OPCML: variants seen among roughly 807,000 people sequenced by gnomAD.
The protein encoded by OPCML is opioid-binding protein/cell adhesion molecule.
A neutral mutation model predicts 37.8 loss-of-function variants in OPCML; 13 were observed. The ratio of observed to expected loss-of-function variants is 0.34; its 90% CI spans 0.22 to 0.55. The LOEUF (loss-of-function observed/expected upper bound fraction) is 0.55. Among genes scored for constraint, OPCML ranks in the 20% least tolerant of loss-of-function variants. The pLI is 0.91. For synonymous variants in OPCML, 176 were observed against 168.8 expected (o/e 1.04, Z -0.33); for missense variants, 341 against 435.6 (o/e 0.78, Z 1.93).
At chr11:132,970,651 T>A (rs890923615) in intron 1 of OPCML, among the ~76,000 whole-genome samples, 1 of 152,184 alleles carries the variant, frequency 6.6e-6, no homozygotes, top group Admixed American at 6.5e-5. Context: ...AAATGTCACA[T>A]AAACCCTCAT....
intron 1 of OPCML, among the ~76,000 whole-genome samples, chr11:133,334,696 G>C (rs1372720874): frequency 6.6e-6 from 1 of 152,184 alleles, no homozygotes; most frequent in Non-Finnish European, 1.5e-5. Flanking sequence ...CCTCTTTTCA[G>C]ATGTTAGGGT....
chr11:133,335,150 C>G (rs766196833), intron 1 of OPCML, among the ~76,000 whole-genome samples: 1 of 152,176 alleles, frequency 6.6e-6, no homozygotes, highest in African/African-American at 2.4e-5. Flanking sequence ...CCCTTGGCAA[C>G]AAAATCACCT....
intron 1 of OPCML, among the ~76,000 whole-genome samples, chr11:133,069,899 T>A (rs1948497628): frequency 6.6e-6 from 1 of 152,168 alleles, no homozygotes; most frequent in South Asian, 2.1e-4. Context: ...TCCAAGCTGA[T>A]GCTGTGGCTC....
Position 132,943,148 on chromosome 11 carries a change from C to T in OPCML, c.62-138G>A. ...GCAGCCGCACAGTCCTGGTCCCCCG[C>T]CCCGCGCACCAGCGGGCTCGGGAAG... On this transcript the variant is annotated intron_variant, in intron 1 of 7. Coordinates refer to ENST00000524381, the MANE Select transcript of OPCML (RefSeq NM_001012393.5). The surrounding 1 kb of genome is among the most constrained non-coding windows in gnomAD (Gnocchi z 4.3). 1 of 1,603,792 alleles carries T rather than the reference C, an allele frequency of 6.2e-7. No individual in the cohort carries two copies. Among genetic ancestry groups the T allele is most frequent in the Non-Finnish European group, 8.5e-7 (1 of 1,171,936 alleles).
At chr11:132,570,777 A>ATATATATATATATATATATATATATATT (rs2096435731) in intron 3 of OPCML, among the ~76,000 whole-genome samples, 3 of 114,846 alleles carry the variant, frequency 2.6e-5, no homozygotes, top group African/African-American at 1.0e-4. Context: ...ATATATATAT[A>ATATATATATATATATATATATATATATT]TATATATATA....
chr11:132,769,742 G>A (rs535750994), intron 2 of OPCML, among the ~76,000 whole-genome samples: 1 of 152,216 alleles, frequency 6.6e-6, no homozygotes, highest in African/African-American at 2.4e-5. Context: ...GATGCTTAAA[G>A]GTCGAAGCAC....
intron 1 of OPCML, among the ~76,000 whole-genome samples, chr11:133,428,187 G>A (rs1946043171): frequency 6.6e-6 from 1 of 152,128 alleles, no homozygotes; most frequent in Non-Finnish European, 1.5e-5. Flanking sequence ...CTCAACTGAT[G>A]GAAACAAAAA....
In OPCML at chr11:133,206,365, A is replaced by G. The variant is rs1369753267; in HGVS notation, c.62-263355T>C. On this transcript the variant is annotated intron_variant, in intron 1 of 7. Coordinates refer to ENST00000524381, the MANE Select transcript of OPCML (RefSeq NM_001012393.5). The surrounding 1 kb of genome is among the most constrained non-coding windows in gnomAD (Gnocchi z 4.7). ...GTTCTGTATCTACTACCACGTAGCA[A>G]TGAAACATTTAGGAAACTGCATAAC... Among the ~76,000 whole-genome samples, 1 of 152,182 alleles carries G rather than the reference A, an allele frequency of 6.6e-6. No individual in the cohort carries two copies. Among genetic ancestry groups the G allele is most frequent in the East Asian group, 1.9e-4 (1 of 5,184 alleles).
intron 1 of OPCML, chr11:133,299,429 A>G (rs1337875728): frequency 1.3e-5 from 2 of 152,230 alleles, no homozygotes; most frequent in Non-Finnish European, 2.9e-5. Context: ...CACCTTGCTT[A>G]TTAGTGGGCA....
chr11:133,219,828 G>T (rs771723032), intron 1 of OPCML, among the ~76,000 whole-genome samples: 11 of 152,208 alleles, frequency 7.2e-5, no homozygotes, highest in Non-Finnish European at 1.5e-4. Flanking sequence ...ACATCTATTT[G>T]GTAGGTCAGC....
At chr11:132,472,661 A>G (rs573899702) in intron 4 of OPCML, among the ~76,000 whole-genome samples, 5 of 152,344 alleles carry the variant, frequency 3.3e-5, no homozygotes, top group East Asian at 1.9e-4. Flanking sequence ...CTTCAGATAA[A>G]TGGAATAAAT....
At position 133,134,687 on chromosome 11, in the gene OPCML, C is replaced by A. The variant is rs116873541; in HGVS notation, c.62-191677G>T. Reference sequence around the variant, plus strand: ...CTTCCTTGCTCCAAGGGAACTCTTGCGTGAACCCTGCAAAGGAGCCCAGCC... The same window carrying A: ...CTTCCTTGCTCCAAGGGAACTCTTGAGTGAACCCTGCAAAGGAGCCCAGCC... On this transcript the variant is annotated intron_variant, in intron 1 of 7. Coordinates refer to ENST00000524381, the MANE Select transcript of OPCML (RefSeq NM_001012393.5). Among the ~76,000 whole-genome samples, 125 of 152,250 alleles carry A rather than the reference C, an allele frequency of 8.2e-4. 1 individual carries two copies. In the East Asian group the frequency reaches 0.023, roughly 28 times the overall value.
chr11:133,072,604 C>T (rs1406193239), intron 1 of OPCML, among the ~76,000 whole-genome samples: 7 of 152,310 alleles, frequency 4.6e-5, no homozygotes, highest in East Asian at 1.9e-4. Flanking sequence ...AAGTATGAAA[C>T]GTCTTTTGGC....
intron 1 of OPCML, among the ~76,000 whole-genome samples, chr11:133,050,845 C>T (rs1187030373): frequency 6.6e-6 from 1 of 151,866 alleles, no homozygotes; most frequent in Non-Finnish European, 1.5e-5. Context: ...TATTAATGCT[C>T]TCATTAGGAG....
intron 2 of OPCML, among the ~76,000 whole-genome samples, chr11:132,757,895 T>A (rs923768353): frequency 6.6e-6 from 1 of 152,212 alleles, no homozygotes; most frequent in Non-Finnish European, 1.5e-5. Context: ...TGAATGGTAT[T>A]GCCTAGTTTT....
intron 1 of OPCML, among the ~76,000 whole-genome samples, chr11:133,112,538 A>C (rs997171270): frequency 6.6e-6 from 1 of 152,310 alleles, no homozygotes; most frequent in African/African-American, 2.4e-5. Context: ...GGGCAAAATG[A>C]GGCATCTTTC....
intron 1 of OPCML, among the ~76,000 whole-genome samples, chr11:132,944,995 C>T (rs1199190883): frequency 6.6e-6 from 1 of 152,232 alleles, no homozygotes; most frequent in Non-Finnish European, 1.5e-5. Flanking sequence ...CAAAGGCATA[C>T]TACTTGCTTT....
chr11:132,710,099 G>A (rs942195192), intron 2 of OPCML, among the ~76,000 whole-genome samples: 2 of 152,118 alleles, frequency 1.3e-5, no homozygotes. Flanking sequence ...TCTGGTGTAC[G>A]CTGGCGTCAT....
intron 2 of OPCML, among the ~76,000 whole-genome samples, chr11:132,683,267 G>A (rs1227067772): frequency 6.6e-6 from 1 of 152,138 alleles, no homozygotes; most frequent in Non-Finnish European, 1.5e-5. Flanking sequence ...AGGCATAGTG[G>A]CGCATGCCTG....
Sources: allele counts gnomAD v4.1 joint callset (sites outside exome capture counted in the v4.1 genomes callset), GRCh38; gene constraint gnomAD v4.1.1; non-coding constraint Gnocchi (gnomAD v3.1); transcripts MANE v1.5; gene names NCBI Gene and HGNC (gene_info 2026-07-23, HGNC 2026-07-21).